The following EPHA10 variants were observed in gnomAD, a reference collection of about 807,000 sequenced individuals.
EPHA10 encodes EPH receptor A10.
A neutral mutation model predicts 109.7 loss-of-function variants in EPHA10; 120 were observed. The observed-to-expected ratio is 1.09, with a 90% confidence interval of 0.94 to 1.27. The LOEUF (loss-of-function observed/expected upper bound fraction) is 1.27. Among genes scored for constraint, EPHA10 ranks in the 50% most tolerant of loss-of-function variants. EPHA10 has a pLI of 0.00. For missense variants in EPHA10, 1,396 were observed against 1,411.1 expected, an observed-to-expected ratio of 0.99 and a Z score of 0.17; for synonymous variants, 640 against 618.9, an observed-to-expected ratio of 1.03 and a Z score of -0.51.
chr1:37,734,577 T>C, intron 6 of EPHA10: 1 of 453,364 alleles, frequency 2.2e-6, no homozygotes, highest in Non-Finnish European at 4.4e-6. Context: ...GTAATAAACT[T>C]ACGGGGAAAA....
intron 7 of EPHA10, among the ~76,000 whole-genome samples, chr1:37,729,711 A>T (rs561950269): frequency 2.6e-5 from 4 of 152,028 alleles, no homozygotes; most frequent in Non-Finnish European, 5.9e-5. Flanking sequence ...GAGACCCCCA[A>T]AAAGTAAAAA....
chr1:37,722,922 G>C (rs184090149), intron 10 of EPHA10, 119 bp downstream of exon 10: 1 of 1,493,322 alleles, frequency 6.7e-7, no homozygotes, highest in Non-Finnish European at 9.2e-7. Flanking sequence ...TTCCAGACAC[G>C]AGCAGAGACC....
At position 37,735,389 on chromosome 1, in the gene EPHA10, C is replaced by A. The variant is rs377224982; in HGVS notation, c.1359G>T (p.Ala453=). The change falls in exon 6 of 17, where the codon GCG becomes GCT. Residue 453 remains alanine, a splice_region_variant and synonymous_variant. Coordinates refer to ENST00000373048, the MANE Select transcript of EPHA10 (RefSeq NM_001099439.2). The part of the protein sequence containing the change: ...AQVTVSTGPG[A]PWEEDEIRRD... The stretch of plus-strand genomic sequence containing the variant: ...TGCGGATCTCATCCTCCTCCCAGGG[C>A]GCTGAAAGTAAGTTACGTGGGATTC... 13 of 1,580,790 alleles carry A rather than the reference C, an allele frequency of 8.2e-6. No individual in the cohort carries two copies. In the South Asian group the frequency reaches 9.3e-5, roughly 11 times the overall value.
intron 8 of EPHA10, among the ~76,000 whole-genome samples, chr1:37,723,584 C>A (rs1456173325): frequency 6.6e-6 from 1 of 152,226 alleles, no homozygotes; most frequent in East Asian, 1.9e-4. Flanking sequence ...CAAACCGTCA[C>A]CACCACCACC....
In EPHA10 at chr1:37,752,811, G is replaced by A. The variant is rs1646348564; in HGVS notation, c.1357+65C>T. 7 of 1,140,360 alleles carry A rather than the reference G, an allele frequency of 6.1e-6. No individual in the cohort carries two copies. In the South Asian group the frequency reaches 1.6e-4, roughly 26 times the overall value. 70.6% of individuals were successfully genotyped at this position (1,140,360 alleles called of 1,614,324 possible). A position where few individuals can be genotyped will look rare whatever the true frequency, so the allele number is the denominator to read the frequency against. ...GGGCTCCCGCAGGACCGACGGGGCGGCCCCAAGAGGGCGCAGGGGCGGCAG... is the reference window on the plus strand; with the variant it reads ...GGGCTCCCGCAGGACCGACGGGGCGACCCCAAGAGGGCGCAGGGGCGGCAG... On this transcript the variant is annotated intron_variant, in intron 5 of 16. Coordinates refer to ENST00000373048, the MANE Select transcript of EPHA10 (RefSeq NM_001099439.2).
At chr1:37,724,291 A>G (rs1645851360) in intron 8 of EPHA10, among the ~76,000 whole-genome samples, 1 of 152,196 alleles carries the variant, frequency 6.6e-6, no homozygotes, top group South Asian at 2.1e-4. Context: ...ATGAGGAGAC[A>G]AAAAGTTCAC....
chr1:37,754,254 C>T lies in EPHA10; in HGVS notation c.967G>A (p.Ala323Thr), dbSNP rs1646373447. Reference protein sequence around the residue: ...STFCVCQDSYARSPTDPPSAS... With the variant: ...STFCVCQDSYTRSPTDPPSAS... ...GAGGGCGGGTCGGTGGGTGAGCGCG[C>T]ATAGCTGTCCTGGCACACGCAGAAG... Residue 323 changes from alanine to threonine, a missense_variant, in exon 4 of 17, where the codon GCG (alanine) becomes ACG (threonine). By Grantham distance (58) the Ala-to-Thr change is moderately conservative (BLOSUM62 0). Transcript: ENST00000373048. The surrounding 1 kb of genome is among the most constrained non-coding windows in gnomAD (Gnocchi z 4.5). 7.6e-7 allele frequency: 1 copy of T among 1,322,212 alleles called. No individual in the cohort carries two copies. Among genetic ancestry groups the T allele is most frequent in the African/African-American group, 1.5e-5 (1 of 65,484 alleles). The allele number at this position is 1,322,212 out of a possible 1,614,324, so 81.9% of individuals were successfully genotyped here.
At chr1:37,745,721 G>A (rs904447729) in intron 5 of EPHA10, among the ~76,000 whole-genome samples, 3 of 152,122 alleles carry the variant, frequency 2.0e-5, no homozygotes, top group African/African-American at 4.8e-5. Context: ...GTGGTGGCAC[G>A]CACCTATAAT....
At chr1:37,731,289 G>T in intron 7 of EPHA10, 122 bp downstream of exon 7, 5 of 1,098,354 alleles carry the variant, frequency 4.6e-6, no homozygotes, top group South Asian at 2.0e-5. Flanking sequence ...AAACTGTTCT[G>T]CAGGCTCCCT....
At chr1:37,750,865 G>GAA (rs1375303300) in intron 5 of EPHA10, among the ~76,000 whole-genome samples, 1 of 147,984 alleles carries the variant, frequency 6.8e-6, no homozygotes, top group East Asian at 2.0e-4. Flanking sequence ...CTTTTCCCGG[G>GAA]AAAAAAAAAA....
chr1:37,726,214 C>T (rs1645888972), intron 8 of EPHA10, among the ~76,000 whole-genome samples: 1 of 152,236 alleles, frequency 6.6e-6, no homozygotes, highest in African/African-American at 2.4e-5. Context: ...ACGGGTCCAG[C>T]ACATGGACCC....
rs1019043463 is a variant in EPHA10 at position 37,716,755 on chromosome 1, C to T, written c.*1617G>A. 2.6e-5 allele frequency: 6 copies of T among 232,966 alleles called. No homozygotes were observed. Among genetic ancestry groups the T allele is most frequent in the African/African-American group, 1.3e-4 (6 of 45,296 alleles). The allele number at this position is 232,966 out of a possible 1,614,324, so 14.4% of individuals were successfully genotyped here. On this transcript the variant is annotated 3_prime_UTR_variant, in exon 17 of 17. Coordinates refer to ENST00000373048, the MANE Select transcript of EPHA10 (RefSeq NM_001099439.2). Reference sequence around the variant, plus strand: ...GGCCTGCCATCTTGCCTGCCGAAAACTCCACCCACCCCAAGGAAAGAACCT... The same window carrying T: ...GGCCTGCCATCTTGCCTGCCGAAAATTCCACCCACCCCAAGGAAAGAACCT...
chr1:37,722,103 A>G (rs1645808067), intron 10 of EPHA10: 1 of 391,428 alleles, frequency 2.6e-6, no homozygotes, highest in Admixed American at 4.5e-5. Context: ...TGCACTTCAG[A>G]CTGGGTGACA....
chr1:37,757,006 T>A (rs1014418486), intron 3 of EPHA10, among the ~76,000 whole-genome samples: 2 of 152,128 alleles, frequency 1.3e-5, no homozygotes, highest in Non-Finnish European at 2.9e-5. Context: ...ATTTTTTGTG[T>A]GTGGAGAGAT....
rs1646370826 is a variant in EPHA10 at position 37,754,092 on chromosome 1, C to T, written c.1006+123G>A. 1.2e-5 allele frequency: 13 copies of T among 1,111,636 alleles called. No individual in the cohort carries two copies. The highest frequency in any genetic ancestry group is 4.5e-5 in the South Asian group (1 of 22,066). 68.9% of individuals were successfully genotyped at this position (1,111,636 alleles called of 1,614,324 possible). On this transcript the variant is annotated intron_variant, in intron 4 of 16. Coordinates refer to ENST00000373048, the MANE Select transcript of EPHA10 (RefSeq NM_001099439.2). The surrounding 1 kb of genome is among the most constrained non-coding windows in gnomAD (Gnocchi z 4.5). ...ACGCCGCCTTCCGGGGCGCTGGCCCCCATATCCGCCCACGTGCGCCCCAGT... is the reference window on the plus strand; with the variant it reads ...ACGCCGCCTTCCGGGGCGCTGGCCCTCATATCCGCCCACGTGCGCCCCAGT...
chr1:37,722,550 G>A (rs12126510), intron 10 of EPHA10, among the ~76,000 whole-genome samples: 24,283 of 152,132 alleles, frequency 0.16, 2,018 homozygotes, highest in African/African-American at 0.18. Flanking sequence ...AGCAAGCGCC[G>A]ACAGCCAGGC....
In EPHA10 at chr1:37,720,861, G is replaced by A; in HGVS notation, c.2147-17C>T. The A allele has an allele frequency of 5.0e-6, 8 of 1,613,798 alleles. No individual in the cohort carries two copies. Among genetic ancestry groups the A allele is most frequent in the Non-Finnish European group, 6.8e-6 (8 of 1,179,832 alleles). Reference sequence around the variant, plus strand: ...AGGTGCTTCCTGTGCCCAGGGATGGGAACACACATGCTAAGTTGTCCACTC... The same window carrying A: ...AGGTGCTTCCTGTGCCCAGGGATGGAAACACACATGCTAAGTTGTCCACTC... On this transcript the variant is annotated splice_polypyrimidine_tract_variant and intron_variant, in intron 11 of 16. Coordinates refer to ENST00000373048, the MANE Select transcript of EPHA10 (RefSeq NM_001099439.2).
chr1:37,726,082 C>T (rs1051588872), intron 8 of EPHA10, among the ~76,000 whole-genome samples: 2 of 152,250 alleles, frequency 1.3e-5, no homozygotes, highest in Non-Finnish European at 1.5e-5. Flanking sequence ...TCCTGCAGAG[C>T]CTCTGCCCGG....
At chr1:37,757,690 T>A (rs535394) in intron 3 of EPHA10, among the ~76,000 whole-genome samples, 51,915 of 151,886 alleles carry the variant, frequency 0.34, 8,887 homozygotes, top group Middle Eastern at 0.48. Context: ...TCTTTCTCCC[T>A]CATTTCCCAG....
Sources: allele counts gnomAD v4.1 joint callset (sites outside exome capture counted in the v4.1 genomes callset), GRCh38; gene constraint gnomAD v4.1.1; non-coding constraint Gnocchi (gnomAD v3.1); transcripts MANE v1.5; gene names NCBI Gene and HGNC (gene_info 2026-07-23, HGNC 2026-07-21).